LRRC7: variants seen among roughly 807,000 people sequenced by gnomAD.
LRRC7 encodes the protein leucine-rich repeat-containing protein 7.
LRRC7 carries 23 observed loss-of-function variants against 175.7 expected under a neutral mutation model. That is an observed-to-expected ratio of 0.13 (90% confidence interval 0.09 to 0.19). The LOEUF is 0.19. Ranked by LOEUF, LRRC7 falls within the 10% of genes least tolerant of loss-of-function variation. The pLI is 1.00. For missense variants in LRRC7, 1,354 were observed against 1,904.7 expected (o/e 0.71, Z 5.38); for synonymous variants, 685 against 680.9 (o/e 1.01, Z -0.09).
At chr1:69,632,986 T>C (rs969991845) in intron 1 of LRRC7, among the ~76,000 whole-genome samples, 1 of 152,130 alleles carries the variant, frequency 6.6e-6, no homozygotes, top group Non-Finnish European at 1.5e-5. Context: ...GTAATTTTAA[T>C]GCAATGAGAT....
chr1:69,948,932 TG>T (rs1649631355), intron 8 of LRRC7, among the ~76,000 whole-genome samples: 1 of 152,128 alleles, frequency 6.6e-6, no homozygotes. Context: ...TAGAAGTCAG[TG>T]GGAGCAGACA....
intron 22 of LRRC7, among the ~76,000 whole-genome samples, chr1:70,051,657 C>T (rs1370283350): frequency 2.7e-5 from 4 of 147,794 alleles, no homozygotes; most frequent in Non-Finnish European, 6.0e-5. Context: ...CCTTTTTTCT[C>T]TTTTTTTTTT....
intron 7 of LRRC7, among the ~76,000 whole-genome samples, chr1:69,851,334 A>G (rs1047535956): frequency 6.6e-6 from 1 of 152,296 alleles, no homozygotes; most frequent in East Asian, 1.9e-4. Context: ...AGATGTCAGT[A>G]ACTGGACAGG....
At chr1:70,109,213 G>C (rs1207274029) in intron 26 of LRRC7, among the ~76,000 whole-genome samples, 1 of 151,996 alleles carries the variant, frequency 6.6e-6, no homozygotes, top group Non-Finnish European at 1.5e-5. Flanking sequence ...GTAGAGACAG[G>C]GTTTCTCCAT....
At chr1:69,831,526 A>T (rs547964267) in intron 5 of LRRC7, among the ~76,000 whole-genome samples, 1 of 152,102 alleles carries the variant, frequency 6.6e-6, no homozygotes, top group South Asian at 2.1e-4. Context: ...AACTCTGGAT[A>T]CTCTCATACA....
At chr1:70,003,656 T>G (rs1655735755) in intron 11 of LRRC7, among the ~76,000 whole-genome samples, 1 of 152,154 alleles carries the variant, frequency 6.6e-6, no homozygotes, top group Admixed American at 6.6e-5. Flanking sequence ...TGATATCCAT[T>G]TAAGAGTCAT....
At chr1:70,007,636 C>T (rs912573487) in intron 11 of LRRC7, among the ~76,000 whole-genome samples, 1 of 151,638 alleles carries the variant, frequency 6.6e-6, no homozygotes, top group East Asian at 1.9e-4. Flanking sequence ...TTTCATGATA[C>T]GTTGTTAAAC....
At chr1:70,009,747 C>T (rs1656328373) in intron 11 of LRRC7, among the ~76,000 whole-genome samples, 1 of 152,194 alleles carries the variant, frequency 6.6e-6, no homozygotes, top group African/African-American at 2.4e-5. Flanking sequence ...TTCCTAAGAG[C>T]TGTTACTCAA....
rs764600371 is a variant in LRRC7 at position 70,039,102 on chromosome 1, A to G, written c.3278A>G (p.Asn1093Ser). ...AGGATACCACCCCCTTTTCAACACA[A>G]TCCCGAGTACGTGCAACAGGCCAGC... ...EKRIPPPFQH[N>S]PEYVQQASKN... Residue 1093 changes from asparagine (N) to serine (S), a missense_variant, in exon 21 of 27, where the codon AAT (asparagine) becomes AGT (serine). Asn to Ser is a conservative substitution (Grantham distance 46). This residue lies in a region of LRRC7 where 1,032 missense variants were observed against 1,227.2 expected (regional missense o/e 0.84). Transcript: ENST00000651989. The G allele has an allele frequency of 1.2e-6, 2 of 1,614,126 alleles. No individual in the cohort carries two copies. Among genetic ancestry groups the G allele is most frequent in the South Asian group, 1.1e-5 (1 of 91,074 alleles).
rs149358370 is a variant in LRRC7, at chr1:69,926,484, G to A, written c.648-5023G>A. Among the ~76,000 whole-genome samples, 789 of 140,060 alleles carry A rather than the reference G, an allele frequency of 5.6e-3. 11 individuals carry two copies. Among genetic ancestry groups the A allele is most frequent in the Non-Finnish European group, 9.5e-3 (597 of 62,966 alleles). The allele number at this position is 140,060 out of a possible 152,430, so 91.9% of individuals were successfully genotyped here. A position where few individuals can be genotyped will look rare whatever the true frequency, so the allele number is the denominator to read the frequency against. On this transcript the variant is annotated intron_variant, in intron 7 of 26. Coordinates refer to ENST00000651989, the MANE Select transcript of LRRC7 (RefSeq NM_001370785.2). ...CACTAAGGACTTGCTTTATGAGTCT[G>A]GGTGCTCCTGTATCAGGTGCATATA...
chr1:69,849,784 C>G (rs1210825792), intron 7 of LRRC7, among the ~76,000 whole-genome samples: 1 of 152,014 alleles, frequency 6.6e-6, no homozygotes, highest in Non-Finnish European at 1.5e-5. Flanking sequence ...GTTTGTGCCT[C>G]TGAAGACATA....
Position 70,140,430 on chromosome 1 carries a change from T to C in LRRC7, c.*18543T>C, listed in dbSNP as rs1667019890. On this transcript the variant is annotated 3_prime_UTR_variant, in exon 27 of 27. Coordinates refer to ENST00000651989, the MANE Select transcript of LRRC7 (RefSeq NM_001370785.2). ...ATAAGGAACATCCTGTTTCTTTAAA[T>C]CCTCAATGCTTAAATTGCCATGTAG... The C allele has an allele frequency of 6.6e-6, 1 of 152,146 alleles. No homozygotes were observed. The highest frequency in any genetic ancestry group is 2.4e-5 in the African/African-American group (1 of 41,444). 9.4% of individuals were successfully genotyped at this position (152,146 alleles called of 1,614,324 possible). A position where few individuals can be genotyped will look rare whatever the true frequency, so the allele number is the denominator to read the frequency against.
intron 2 of LRRC7, among the ~76,000 whole-genome samples, chr1:69,729,978 C>T (rs927900320): frequency 5.3e-5 from 8 of 152,178 alleles, no homozygotes; most frequent in African/African-American, 1.7e-4. Flanking sequence ...CACCTGCAGG[C>T]TCAACACCAC....
At chr1:69,578,734 T>C (rs1250238216) in intron 1 of LRRC7, among the ~76,000 whole-genome samples, 1 of 142,000 alleles carries the variant, frequency 7.0e-6, no homozygotes, top group Non-Finnish European at 1.5e-5. Context: ...TAGGTGTGAA[T>C]TGAACAATGA....
chr1:69,842,818 A>G (rs765987533), intron 7 of LRRC7, among the ~76,000 whole-genome samples: 3 of 152,180 alleles, frequency 2.0e-5, no homozygotes, highest in Non-Finnish European at 2.9e-5. Context: ...TTTTCAGTAT[A>G]TGAATAACCT....
intron 4 of LRRC7, among the ~76,000 whole-genome samples, chr1:69,794,366 G>A (rs1675469912): frequency 6.6e-6 from 1 of 152,204 alleles, no homozygotes; most frequent in South Asian, 2.1e-4. Context: ...ACACCAACTT[G>A]ACTTGCCACT....
intron 1 of LRRC7, among the ~76,000 whole-genome samples, chr1:69,671,058 C>T (rs918347001): frequency 5.3e-5 from 8 of 152,086 alleles, no homozygotes; most frequent in Non-Finnish European, 1.2e-4. Flanking sequence ...TTACTTTTCC[C>T]TTCACTTTTC....
intron 1 of LRRC7, among the ~76,000 whole-genome samples, chr1:69,619,139 C>T (rs573861854): frequency 1.3e-5 from 2 of 152,098 alleles, no homozygotes; most frequent in African/African-American, 4.8e-5. Flanking sequence ...ATGTATGTCC[C>T]TTTCATCTGT....
At chr1:69,902,704 T>C (rs1646171231) in intron 7 of LRRC7, among the ~76,000 whole-genome samples, 1 of 152,250 alleles carries the variant, frequency 6.6e-6, no homozygotes, top group Admixed American at 6.5e-5. Flanking sequence ...AATCAGACTT[T>C]TCTTGCTCTT....
Sources: allele counts gnomAD v4.1 joint callset (sites outside exome capture counted in the v4.1 genomes callset), GRCh38; gene constraint gnomAD v4.1.1; regional missense constraint gnomAD v4.1.1; transcripts MANE v1.5; gene names NCBI Gene and HGNC (gene_info 2026-07-23, HGNC 2026-07-21).